Variants in ZNF677 observed in about 807,000 individuals in gnomAD.
The protein encoded by ZNF677 is zinc finger protein 677.
In ZNF677, 5 loss-of-function variants were observed where a neutral mutation model predicts 8.1. The observed-to-expected ratio is 0.62, with a 90% confidence interval of 0.32 to 1.29. The LOEUF (loss-of-function observed/expected upper bound fraction) is 1.29. Ranked by LOEUF, ZNF677 falls within the 50% of genes most tolerant of loss-of-function variation. The probability of loss-of-function intolerance (pLI) is 0.05; values close to 1 mark genes in which losing one functional copy is unlikely to be tolerated. For missense variants in ZNF677, 685 were observed against 685.9 expected (o/e 1.00, Z 0.01); for synonymous variants, 221 against 225.6 (o/e 0.98, Z 0.18).
intron 1 of ZNF677, among the ~76,000 whole-genome samples, chr19:53,253,825 A>C (rs1018962791): frequency 3.3e-5 from 5 of 152,256 alleles, no homozygotes; most frequent in Non-Finnish European, 7.3e-5. Flanking sequence ...AGACAAGTTG[A>C]ATACACGTCA....
intron 1 of ZNF677, among the ~76,000 whole-genome samples, chr19:53,253,561 C>G (rs917098671): frequency 2.0e-5 from 3 of 152,126 alleles, no homozygotes; most frequent in Non-Finnish European, 2.9e-5. Context: ...GTGGCGCATG[C>G]CTTTAATCCC....
At position 53,237,310 on chromosome 19, in the gene ZNF677, G is replaced by A. The variant is rs1232267258; in HGVS notation, c.1417C>T (p.His473Tyr). The A allele has an allele frequency of 1.9e-6, 3 of 1,613,488 alleles. No individual in the cohort carries two copies. The African/African-American group carries it at 4.0e-5, about 22-fold the overall frequency. ...TGAGTTCTCTGATGACCCCAAAGGTGTGAACGTTTGATAAAAGCTTTATCA... is the reference window on the plus strand; with the variant it reads ...TGAGTTCTCTGATGACCCCAAAGGTATGAACGTTTGATAAAAGCTTTATCA... The part of the protein sequence containing the change: ...KCDKAFIKRS[H>Y]LWGHQRTHTG... Residue 473 changes from histidine to tyrosine, a missense_variant, in exon 5 of 5, where the codon CAC (histidine) becomes TAC (tyrosine). Transcript: ENST00000598513.
At chr19:53,254,744 ACCT>A (rs1377999973) in intron 1 of ZNF677, 87 bp downstream of exon 1, 2 of 152,496 alleles carry the variant, frequency 1.3e-5, no homozygotes, top group Admixed American at 6.6e-5. Context: ...CGGGGTTTTA[ACCT>A]ACAGGGCGAC....
At position 53,251,603 on chromosome 19, in the gene ZNF677, A is replaced by G. The variant is rs942447782; in HGVS notation, c.-53T>C. 1.9e-6 allele frequency: 3 copies of G among 1,611,582 alleles called. No individual in the cohort carries two copies. The highest frequency in any genetic ancestry group is 1.3e-5 in the African/African-American group (1 of 74,848). On this transcript the variant is annotated splice_region_variant and 5_prime_UTR_variant, in exon 3 of 5. The change abolishes the stop of an existing upstream ORF in the 5' untranslated region. Transcript: ENST00000598513. The stretch of plus-strand genomic sequence containing the variant: ...TCTGAGTTTCTTTCTCAGGTAAGTC[A>G]GTCTGTATGTCAAAAATATGTTGTT...
At chr19:53,253,004 T>C (rs572305023) in intron 2 of ZNF677, 82 bp downstream of exon 2, 2 of 152,372 alleles carry the variant, frequency 1.3e-5, no homozygotes, top group South Asian at 2.1e-4. Flanking sequence ...ACATGTATTA[T>C]ATACTGTATT....
At chr19:53,245,343 C>T (rs2091119144) in intron 3 of ZNF677, among the ~76,000 whole-genome samples, 1 of 151,984 alleles carries the variant, frequency 6.6e-6, no homozygotes, top group Non-Finnish European at 1.5e-5. Flanking sequence ...AAAAAGGCAA[C>T]TTATGGAATG....
intron 3 of ZNF677, among the ~76,000 whole-genome samples, chr19:53,250,735 T>C (rs900909687): frequency 9.9e-5 from 15 of 152,278 alleles, no homozygotes; most frequent in Non-Finnish European, 2.1e-4. Context: ...GTTTAATATC[T>C]GGATGATGAA....
chr19:53,252,986 T>G (rs749078820), intron 2 of ZNF677, 100 bp downstream of exon 2: 6 of 152,198 alleles, frequency 3.9e-5, no homozygotes, highest in Non-Finnish European at 5.9e-5. Context: ...ACACATATTT[T>G]GTATGTTACA....
chr19:53,250,219 GGTT>G (rs1471053698), intron 3 of ZNF677, among the ~76,000 whole-genome samples: 1 of 152,158 alleles, frequency 6.6e-6, no homozygotes, highest in Non-Finnish European at 1.5e-5. Flanking sequence ...ATGCTGGTGA[GGTT>G]GTGGAGAAAA....
intron 1 of ZNF677, among the ~76,000 whole-genome samples, chr19:53,254,192 T>C (rs749492547): frequency 1.3e-5 from 2 of 152,192 alleles, no homozygotes; most frequent in Non-Finnish European, 2.9e-5. Flanking sequence ...CTCACATGGA[T>C]TTGGGTGCCC....
Position 53,243,808 on chromosome 19 carries a change from G to A in ZNF677, c.105C>T (p.Asp35=), listed in dbSNP as rs763231628. 5.0e-6 allele frequency: 8 copies of A among 1,613,986 alleles called. No individual in the cohort carries two copies. In the Admixed American group the frequency reaches 5.0e-5, roughly 10 times the overall value. Reference sequence around the variant, plus strand: ...GGTTCCTGTAGTTCTCCAACATCACGTCCCTGTACAAGGCCCTCTGGGCAG... The same window carrying A: ...GGTTCCTGTAGTTCTCCAACATCACATCCCTGTACAAGGCCCTCTGGGCAG... ...LDPAQRALYR[D]VMLENYRNLL... Residue 35 remains aspartate (D), a synonymous_variant, in exon 4 of 5, where the codon GAC becomes GAT. Coordinates refer to ENST00000598513, the MANE Select transcript of ZNF677 (RefSeq NM_182609.4).
At position 53,238,331 on chromosome 19, in the gene ZNF677, T is replaced by A; in HGVS notation, c.396A>T (p.Lys132Asn). The change falls in exon 5 of 5, where the codon AAA becomes AAT. Residue 132 changes from lysine (K) to asparagine (N), a missense_variant. Physicochemically the swap from Lys to Asn is moderately conservative, Grantham distance 94. Transcript: ENST00000598513. ...TTGAGGATTTATTATGTTGTTGATC[T>A]TTTCTGTGAGTGAGATTTTTGTTAC... The part of the protein sequence containing the change: ...LTCNKNLTHR[K>N]DQQHNKSSIH... The A allele has an allele frequency of 6.2e-7, 1 of 1,613,214 alleles. No individual in the cohort carries two copies. The highest frequency in any genetic ancestry group is 8.5e-7 in the Non-Finnish European group (1 of 1,179,602).
intron 1 of ZNF677, among the ~76,000 whole-genome samples, chr19:53,254,053 A>G (rs1172517571): frequency 1.3e-5 from 2 of 152,222 alleles, no homozygotes. Context: ...TAGAAAACGC[A>G]GAAGCCTCAC....
intron 4 of ZNF677, chr19:53,243,366 C>A: frequency 3.3e-6 from 1 of 301,408 alleles, no homozygotes; most frequent in Non-Finnish European, 6.1e-6. Context: ...AACTATTTCC[C>A]AAAACAATTT....
rs1475040880 is a variant in ZNF677, at chr19:53,254,830, TCA to T, written c.-127+2_-127+3del. 6.6e-6 allele frequency: 1 copy of T among 152,542 alleles called. No individual in the cohort carries two copies. The highest frequency in any genetic ancestry group is 1.5e-5 in the Non-Finnish European group (1 of 68,058). 9.4% of individuals were successfully genotyped at this position (152,542 alleles called of 1,614,324 possible). A position where few individuals can be genotyped will look rare whatever the true frequency, so the allele number is the denominator to read the frequency against. On this transcript the variant is annotated splice_donor_variant and splice_donor_region_variant and intron_variant, in intron 1 of 4. Coordinates refer to ENST00000598513, the MANE Select transcript of ZNF677 (RefSeq NM_182609.4). LOFTEE classifies it low-confidence loss of function (5UTR_SPLICE). ...AGGCTTGAACCCGAAAGACGGAGAC[TCA>T]CCCGAGAGCGCCAGTAGCCCCGCGA...
At chr19:53,243,300 A>G (rs2914381) in intron 4 of ZNF677, 132,215 of 188,010 alleles carry the variant, frequency 0.7, 46,942 homozygotes, top group East Asian at 0.8. Context: ...TTTCCTGGAT[A>G]CATTCCCAGC....
intron 3 of ZNF677, among the ~76,000 whole-genome samples, chr19:53,248,091 A>G (rs964353227): frequency 1.3e-5 from 2 of 152,130 alleles, no homozygotes; most frequent in Non-Finnish European, 2.9e-5. Context: ...TTGTGTGTGT[A>G]TATCATTTCG....
At chr19:53,240,209 G>A (rs1357001070) in intron 4 of ZNF677, 1 of 151,794 alleles carries the variant, frequency 6.6e-6, no homozygotes, top group Non-Finnish European at 1.5e-5. Flanking sequence ...AAAAAGAAAT[G>A]AGCTGTCAAG....
Position 53,243,855 on chromosome 19 carries a change from C to T in ZNF677, c.58G>A (p.Glu20Lys), listed in dbSNP as rs913030713. 41 of 1,611,268 alleles carry T rather than the reference C, an allele frequency of 2.5e-5. No individual in the cohort carries two copies. Among genetic ancestry groups the T allele is most frequent in the Non-Finnish European group, 5.9e-6 (7 of 1,179,184 alleles). The change falls in exon 4 of 5, where the codon GAG (glutamate) becomes AAG (lysine). Residue 20 changes from glutamate (E) to lysine (K), a missense_variant. Glu to Lys is a moderately conservative substitution (Grantham distance 56). Transcript: ENST00000598513. ...FKDVAIEFSQ[E>K]EWECLDPAQR... Reference sequence around the variant, plus strand: ...GCAGGGTCCAGGCACTCCCACTCCTCTTGAGAGAATTCTATGGCCACATCC... The same window carrying T: ...GCAGGGTCCAGGCACTCCCACTCCTTTTGAGAGAATTCTATGGCCACATCC...
Sources: gnomAD v4.1 joint callset for allele counts (sites outside exome capture counted in the v4.1 genomes callset) on GRCh38, gnomAD v4.1.1 for gene constraint, MANE v1.5 for transcripts, NCBI Gene and HGNC (gene_info 2026-07-23, HGNC 2026-07-21) for gene names.